Variants in CD200R1L observed in about 807,000 individuals in gnomAD.
The protein encoded by CD200R1L is CD200 receptor 1 like.
CD200R1L carries 14 observed loss-of-function variants against 24.8 expected under a neutral mutation model. The observed-to-expected ratio is 0.56, with a 90% CI of 0.37 to 0.88. CD200R1L has a LOEUF of 0.88. CD200R1L is among the 40% of genes least tolerant of loss of function. The pLI, the probability that CD200R1L is intolerant of heterozygous loss-of-function variation, is 0.00. For missense variants in CD200R1L, 299 were observed against 297.8 expected, an observed-to-expected ratio of 1.00 and a Z score of -0.03; for synonymous variants, 111 against 109.2, an observed-to-expected ratio of 1.02 and a Z score of -0.11.
Position 112,845,875 on chromosome 3 carries a change from C to T in CD200R1L, c.-283G>A, listed in dbSNP as rs1188038127. 1.6e-6 allele frequency: 1 copy of T among 609,912 alleles called. No individual in the cohort carries two copies. The highest frequency in any genetic ancestry group is 2.9e-6 in the Non-Finnish European group (1 of 345,694). 37.8% of individuals were successfully genotyped at this position (609,912 alleles called of 1,614,324 possible). A position where few individuals can be genotyped will look rare whatever the true frequency, so the allele number is the denominator to read the frequency against. On this transcript the variant is annotated 5_prime_UTR_variant, in exon 2 of 8. Transcript: ENST00000488794. ...CAAAACATATTTCTTCATTATCTTG[C>T]TTATCTTTAATTTTTGCTGTCATTC... is the stretch of plus-strand genomic sequence containing the variant.
intron 3 of CD200R1L, among the ~76,000 whole-genome samples, chr3:112,831,290 T>C (rs1938793206): frequency 6.6e-6 from 1 of 152,214 alleles, no homozygotes; most frequent in East Asian, 1.9e-4. Context: ...ATGTGTTAAA[T>C]GTATTTCCAA....
intron 2 of CD200R1L, among the ~76,000 whole-genome samples, chr3:112,840,298 A>T (rs1347222551): frequency 6.6e-6 from 1 of 152,212 alleles, no homozygotes; most frequent in Non-Finnish European, 1.5e-5. Flanking sequence ...TATGGGATGC[A>T]TGGTGGCATC....
At chr3:112,825,112 G>A (rs1437516717) in intron 6 of CD200R1L, among the ~76,000 whole-genome samples, 12 of 151,954 alleles carry the variant, frequency 7.9e-5, no homozygotes, top group South Asian at 2.1e-4. Flanking sequence ...GGTGGTGGGC[G>A]CCTGTAGTCC....
At chr3:112,838,485 C>CAAAAA (rs142677700) in intron 2 of CD200R1L, among the ~76,000 whole-genome samples, 1 of 123,786 alleles carries the variant, frequency 8.1e-6, no homozygotes. Flanking sequence ...AACAAACAAA[C>CAAAAA]AAACAAAAAA....
chr3:112,818,109 A>T lies in CD200R1L; in HGVS notation c.740+1663T>A, dbSNP rs546427080. Among the ~76,000 whole-genome samples, 7 of 152,354 alleles carry T rather than the reference A, an allele frequency of 4.6e-5. No homozygotes were observed. The East Asian group carries it at 1.2e-3, about 25-fold the overall frequency. ...ACACGTGAGAATTCTGGGAGATACA[A>T]TTCAAGTTGAGATTTTTGTGGGGAC... On this transcript the variant is annotated intron_variant, in intron 7 of 7. Transcript: ENST00000488794.
At chr3:112,828,089 T>A (rs1400686734) in intron 4 of CD200R1L, among the ~76,000 whole-genome samples, 1 of 152,202 alleles carries the variant, frequency 6.6e-6, no homozygotes, top group East Asian at 1.9e-4. Context: ...ACAATTCATG[T>A]GCCTTGGAAA....
intron 6 of CD200R1L, 148 bp downstream of exon 6, chr3:112,826,845 C>T: frequency 3.4e-6 from 3 of 870,526 alleles, no homozygotes; most frequent in Non-Finnish European, 5.1e-6. Flanking sequence ...AAGACAGATT[C>T]TAGCGTTGTA....
At chr3:112,825,540 C>T (rs947832987) in intron 6 of CD200R1L, among the ~76,000 whole-genome samples, 3 of 151,540 alleles carry the variant, frequency 2.0e-5, no homozygotes, top group Admixed American at 1.3e-4. Context: ...TTTGTCAGAG[C>T]ATTTTCTGCG....
Position 112,815,906 on chromosome 3 carries a change from C to T in CD200R1L, c.*57G>A. The T allele has an allele frequency of 1.3e-6, 1 of 778,386 alleles. No homozygotes were observed. Among genetic ancestry groups the T allele is most frequent in the South Asian group, 1.3e-5 (1 of 74,274 alleles). The allele number at this position is 778,386 out of a possible 1,614,324, so 48.2% of individuals were successfully genotyped here. ...CACTGCTGGACCATCACTCATCTCACCAATGTTGCAGTCCAGAGACAAGGA... is the reference window on the plus strand; with the variant it reads ...CACTGCTGGACCATCACTCATCTCATCAATGTTGCAGTCCAGAGACAAGGA... On this transcript the variant is annotated 3_prime_UTR_variant, in exon 8 of 8. Coordinates refer to ENST00000488794, the MANE Select transcript of CD200R1L (RefSeq NM_001199215.3).
At position 112,829,339 on chromosome 3, in the gene CD200R1L, T is replaced by C. The variant is rs775956543; in HGVS notation, c.29A>G (p.Tyr10Cys). MGGKQMTQNYSTIFAEGNIS... is the reference protein window; with the variant it reads MGGKQMTQNCSTIFAEGNIS... The stretch of plus-strand genomic sequence containing the variant: ...ATTACCTTCTGCAAAAATTGTTGAA[T>C]AGTTCTGTGTCATCTGCTTTCCACC... The change falls in exon 4 of 8, where the codon TAT (tyrosine) becomes TGT (cysteine). Residue 10 changes from tyrosine (Y) to cysteine (C), a missense_variant. Physicochemically the swap from Tyr to Cys is radical, Grantham distance 194. Coordinates refer to ENST00000488794, the MANE Select transcript of CD200R1L (RefSeq NM_001199215.3). The C allele has an allele frequency of 2.2e-5, 36 of 1,614,066 alleles. No homozygotes were observed. The South Asian group carries it at 3.8e-4, about 17-fold the overall frequency.
intron 7 of CD200R1L, among the ~76,000 whole-genome samples, chr3:112,817,097 G>A (rs1222094529): frequency 6.6e-6 from 1 of 151,924 alleles, no homozygotes; most frequent in Non-Finnish European, 1.5e-5. Flanking sequence ...CCGCAGTGTA[G>A]TATTTTTTTA....
At chr3:112,818,882 A>G (rs1938461523) in intron 7 of CD200R1L, 1 of 154,392 alleles carries the variant, frequency 6.5e-6, no homozygotes, top group Non-Finnish European at 1.5e-5. Context: ...TCTGAAACAG[A>G]TCTTGGTAAC....
At chr3:112,833,617 T>A (rs1938864875) in intron 3 of CD200R1L, among the ~76,000 whole-genome samples, 1 of 152,152 alleles carries the variant, frequency 6.6e-6, no homozygotes, top group Non-Finnish European at 1.5e-5. Context: ...CAGAAATGGC[T>A]ACAATGGGGC....
chr3:112,832,286 A>G (rs1289001453), intron 3 of CD200R1L, among the ~76,000 whole-genome samples: 16 of 152,222 alleles, frequency 1.1e-4, no homozygotes, highest in Non-Finnish European at 4.4e-5. Flanking sequence ...ATGATAAAAG[A>G]AATCCTGGGC....
intron 6 of CD200R1L, 124 bp from the exon 7 acceptor site, chr3:112,820,019 A>G: frequency 1.2e-6 from 1 of 830,156 alleles, no homozygotes; most frequent in Non-Finnish European, 1.8e-6. Flanking sequence ...TAATCATAAA[A>G]CCTTCTAAAT....
chr3:112,845,984 A>C, intron 1 of CD200R1L, 34 bp from the exon 2 acceptor site: 2 of 425,278 alleles, frequency 4.7e-6, no homozygotes, highest in Non-Finnish European at 8.4e-6. Flanking sequence ...AATGCTTACT[A>C]CTCATTGCTT....
chr3:112,842,650 C>A (rs1054005493), intron 2 of CD200R1L, among the ~76,000 whole-genome samples: 12 of 152,158 alleles, frequency 7.9e-5, no homozygotes, highest in African/African-American at 2.7e-4. Context: ...TCACTAAATT[C>A]TTTTCCTAGC....
chr3:112,835,027 T>G (rs1938901007), intron 3 of CD200R1L, among the ~76,000 whole-genome samples: 1 of 152,216 alleles, frequency 6.6e-6, no homozygotes, highest in African/African-American at 2.4e-5. Context: ...TCTCCTTCTC[T>G]CTTCTCTCCT....
chr3:112,830,692 A>G (rs1938775876), intron 3 of CD200R1L, among the ~76,000 whole-genome samples: 1 of 151,998 alleles, frequency 6.6e-6, no homozygotes, highest in Non-Finnish European at 1.5e-5. Context: ...CAACAAGAAA[A>G]CGAAAATGAT....
Sources: gnomAD v4.1 joint callset for allele counts (sites outside exome capture counted in the v4.1 genomes callset) on GRCh38, gnomAD v4.1.1 for gene constraint, MANE v1.5 for transcripts, NCBI Gene and HGNC (gene_info 2026-07-23, HGNC 2026-07-21) for gene names.